The following LIMCH1 variants were observed in gnomAD, a reference collection of about 807,000 sequenced individuals.
LIMCH1 encodes the protein LIM and calponin homology domains-containing protein 1.
LIMCH1 carries 113 observed loss-of-function variants against 176.5 expected under a neutral mutation model. The observed-to-expected ratio is 0.64, with a 90% CI of 0.55 to 0.75. The LOEUF (loss-of-function observed/expected upper bound fraction) is 0.75. Among genes scored for constraint, LIMCH1 ranks in the 30% least tolerant of loss-of-function variants. The pLI is 0.00. For missense variants in LIMCH1, 1,674 were observed against 1,814.9 expected (o/e 0.92, Z 1.41); for synonymous variants, 619 against 645.9 (o/e 0.96, Z 0.63).
intron 1 of LIMCH1, among the ~76,000 whole-genome samples, chr4:41,365,053 G>GA (rs2052764011): frequency 6.6e-6 from 1 of 152,168 alleles, no homozygotes; most frequent in Non-Finnish European, 1.5e-5. Flanking sequence ...AACACTTTCT[G>GA]AAGAAACAGA....
intron 1 of LIMCH1, among the ~76,000 whole-genome samples, chr4:41,475,370 A>G (rs1029968340): frequency 3.3e-5 from 5 of 152,228 alleles, no homozygotes; most frequent in Non-Finnish European, 7.3e-5. Flanking sequence ...TCTTAGTCCT[A>G]TAATGTATGT....
At chr4:41,497,904 A>G (rs1386808441) in intron 2 of LIMCH1, among the ~76,000 whole-genome samples, 1 of 152,166 alleles carries the variant, frequency 6.6e-6, no homozygotes, top group Admixed American at 6.5e-5. Flanking sequence ...GAGAGAAAAG[A>G]AAGAGATTGG....
intron 1 of LIMCH1, among the ~76,000 whole-genome samples, chr4:41,476,506 C>G (rs2067766256): frequency 6.6e-6 from 1 of 152,216 alleles, no homozygotes; most frequent in African/African-American, 2.4e-5. Context: ...ACACCACACT[C>G]TGCATCAGCA....
intron 1 of LIMCH1, among the ~76,000 whole-genome samples, chr4:41,489,023 G>C (rs2070241477): frequency 1.3e-5 from 2 of 151,880 alleles, no homozygotes; most frequent in Admixed American, 6.6e-5. Context: ...TCGTGTCAAG[G>C]GATTTATCAA....
Position 41,626,816 on chromosome 4 carries a change from AGTT to A in LIMCH1, c.837_839del (p.Val280del). ...GCAACGATTCAGAGGCAGAAGGTGA[AGTT>A]GTGTGTCGACTGCCTGATCTTGAGA... is the stretch of plus-strand genomic sequence containing the variant. On this transcript the variant is annotated inframe_deletion, in exon 8 of 32. Coordinates refer to ENST00000503057, the MANE Select transcript of LIMCH1 (RefSeq NM_001330672.2). 6.5e-7 allele frequency: 1 copy of A among 1,536,258 alleles called. No homozygotes were observed. Among genetic ancestry groups the A allele is most frequent in the Non-Finnish European group, 8.7e-7 (1 of 1,146,914 alleles).
intron 13 of LIMCH1, among the ~76,000 whole-genome samples, chr4:41,637,409 C>T (rs1264725184): frequency 3.3e-5 from 5 of 152,150 alleles, no homozygotes; most frequent in South Asian, 2.1e-4. Flanking sequence ...AGGCTGGTCT[C>T]GAACTCCTGA....
At chr4:41,439,967 T>C (rs2062530309) in intron 1 of LIMCH1, among the ~76,000 whole-genome samples, 1 of 152,168 alleles carries the variant, frequency 6.6e-6, no homozygotes, top group Admixed American at 6.5e-5. Context: ...CAGAAAACTT[T>C]ATTAATTCAC....
intron 9 of LIMCH1, among the ~76,000 whole-genome samples, chr4:41,630,491 T>TAATTAA (rs1477660796): frequency 6.6e-6 from 1 of 152,246 alleles, no homozygotes; most frequent in African/African-American, 2.4e-5. Flanking sequence ...CAAATAATTT[T>TAATTAA]AATTATTCCA....
intron 5 of LIMCH1, 78 bp from the exon 6 acceptor site, chr4:41,619,110 A>T: frequency 6.6e-7 from 1 of 1,504,296 alleles, no homozygotes; most frequent in Non-Finnish European, 9.2e-7. Context: ...ATTGAACCAC[A>T]TCCCTAATGC....
intron 2 of LIMCH1, among the ~76,000 whole-genome samples, chr4:41,602,305 C>T (rs371741768): frequency 6.6e-5 from 10 of 152,026 alleles, no homozygotes; most frequent in Admixed American, 2.0e-4. Flanking sequence ...ACGAAATGTA[C>T]GCAGGCTCTG....
chr4:41,642,733 T>C (rs2093881273), intron 14 of LIMCH1, among the ~76,000 whole-genome samples: 1 of 110,306 alleles, frequency 9.1e-6, no homozygotes, highest in African/African-American at 3.7e-5. Flanking sequence ...TTTTTTTCTT[T>C]TTTCTTTTTT....
At chr4:41,425,918 C>T (rs2154133351) in intron 1 of LIMCH1, among the ~76,000 whole-genome samples, 1 of 151,276 alleles carries the variant, frequency 6.6e-6, no homozygotes, top group African/African-American at 2.4e-5. Flanking sequence ...AGTTGGATGT[C>T]TGAGGTGCTG....
intron 1 of LIMCH1, among the ~76,000 whole-genome samples, chr4:41,480,414 C>T (rs2068396475): frequency 6.6e-6 from 1 of 152,156 alleles, no homozygotes; most frequent in Admixed American, 6.5e-5. Context: ...CGAGACCACC[C>T]TGGCCAACAT....
chr4:41,417,423 G>A (rs1461887275), intron 1 of LIMCH1, among the ~76,000 whole-genome samples: 1 of 152,170 alleles, frequency 6.6e-6, no homozygotes, highest in Non-Finnish European at 1.5e-5. Context: ...TCAATCAGAA[G>A]CAAGCTGAAG....
At chr4:41,662,166 AT>A (rs1285165700) in intron 19 of LIMCH1, among the ~76,000 whole-genome samples, 1 of 152,204 alleles carries the variant, frequency 6.6e-6, no homozygotes, top group Non-Finnish European at 1.5e-5. Flanking sequence ...TTACCAAATT[AT>A]TTTTAGGTAA....
chr4:41,481,833 T>G (rs1050424296), intron 1 of LIMCH1, among the ~76,000 whole-genome samples: 2 of 151,852 alleles, frequency 1.3e-5, no homozygotes, highest in Non-Finnish European at 2.9e-5. Context: ...GGTATTGATC[T>G]TAGTGTGAAA....
At chr4:41,502,135 C>T (rs2073416321) in intron 2 of LIMCH1, among the ~76,000 whole-genome samples, 1 of 149,456 alleles carries the variant, frequency 6.7e-6, no homozygotes, top group East Asian at 2.0e-4. Context: ...TCATTCAGCT[C>T]CCCCTTATAA....
At position 41,530,400 on chromosome 4, in the gene LIMCH1, A is replaced by G. The variant is rs1011188926; in HGVS notation, c.237+5922A>G. On this transcript the variant is annotated intron_variant, in intron 3 of 26. Coordinates refer to the LIMCH1 transcript ENST00000313860. ...GGTGTGCCTCAACTCATCCTGATCA[A>G]TGTCTTCTCTTCTAGAACTTTACCT... 4.6e-5 allele frequency among the ~76,000 whole-genome samples: 7 copies of G among 152,156 alleles called. No homozygotes were observed. In the South Asian group the frequency reaches 1.2e-3, roughly 27 times the overall value.
In LIMCH1 at chr4:41,619,301, T is replaced by G; in HGVS notation, c.319T>G (p.Phe107Val). The change falls in exon 6 of 32, where the codon TTT becomes GTT. Residue 107 changes from phenylalanine to valine, a missense_variant. Coordinates refer to ENST00000503057, the MANE Select transcript of LIMCH1 (RefSeq NM_001330672.2). ...TGGTGAGCCGAAATCAGCAGTGCCT[T>G]TTAACCAGTACCTCCCGAACAAAAG... ...SHGEPKSAVP[F>V]NQYLPNKSNQ... The G allele has an allele frequency of 6.2e-7, 1 of 1,614,114 alleles. No homozygotes were observed. Among genetic ancestry groups the G allele is most frequent in the South Asian group, 1.1e-5 (1 of 91,068 alleles).
Sources: allele counts gnomAD v4.1 joint callset (sites outside exome capture counted in the v4.1 genomes callset), GRCh38; gene constraint gnomAD v4.1.1; transcripts MANE v1.5; gene names NCBI Gene and HGNC (gene_info 2026-07-23, HGNC 2026-07-21).